Variants in COLGALT2 observed in about 807,000 individuals in gnomAD.
COLGALT2 encodes collagen beta(1-O)galactosyltransferase 2.
Under a neutral mutation model 73.4 loss-of-function variants are expected in COLGALT2, and 49 were observed. The ratio of observed to expected loss-of-function variants is 0.67; its 90% CI spans 0.53 to 0.85. The LOEUF is 0.85. COLGALT2 is among the 40% of genes least tolerant of loss of function. The pLI is 0.00. For synonymous variants in COLGALT2, 295 were observed against 307.6 expected (o/e 0.96, Z 0.43); for missense variants, 722 against 790.2 (o/e 0.91, Z 1.03).
chr1:184,034,278 CTTT>C (rs11347812), intron 1 of COLGALT2, among the ~76,000 whole-genome samples: 6 of 143,034 alleles, frequency 4.2e-5, no homozygotes, highest in Admixed American at 6.9e-5. Context: ...GCCCTATTAT[CTTT>C]TTTTTTTTTT....
At chr1:184,031,064 T>G (rs1252421088) in intron 1 of COLGALT2, among the ~76,000 whole-genome samples, 1 of 152,226 alleles carries the variant, frequency 6.6e-6, no homozygotes, top group Non-Finnish European at 1.5e-5. Flanking sequence ...GAGGAAATAT[T>G]CTGAGCTCCA....
intron 8 of COLGALT2, among the ~76,000 whole-genome samples, chr1:183,946,892 A>G (rs1670267340): frequency 6.6e-6 from 1 of 152,072 alleles, no homozygotes; most frequent in African/African-American, 2.4e-5. Context: ...TTAGCCGGCC[A>G]TGGTGGTGGG....
At position 183,940,681 on chromosome 1, in the gene COLGALT2, T is replaced by G. The variant is rs890869438; in HGVS notation, c.1504A>C (p.Ile502Leu). The G allele has an allele frequency of 1.2e-6, 2 of 1,614,100 alleles. No homozygotes were observed. Among genetic ancestry groups the G allele is most frequent in the African/African-American group, 2.7e-5 (2 of 74,924 alleles). The change falls in exon 11 of 12, where the codon ATC (isoleucine) becomes CTC (leucine). Residue 502 changes from isoleucine (I) to leucine (L), a missense_variant. By Grantham distance (5) the Ile-to-Leu change is conservative. Transcript: ENST00000361927. ...AGCTTCTGTGCTCCTTCCAGAGAGA[T>G]GACGTAGCCCAGGGTCCAGTAGGAA... ...DYSYWTLGYV[I>L]SLEGAQKLVG... is the part of the protein sequence containing the mutation.
rs144443934 is a variant in COLGALT2 at position 183,936,717 on chromosome 1, C to G, written c.*2044G>C. ...GAATCACCTAAGGAATTTTCACTCG[C>G]TCCCCAGATGCTCTTTCTGTTTTTC... On this transcript the variant is annotated 3_prime_UTR_variant, in exon 12 of 12. Coordinates refer to ENST00000361927, the MANE Select transcript of COLGALT2 (RefSeq NM_015101.4). 60 of 1,230,364 alleles carry G rather than the reference C, an allele frequency of 4.9e-5. No individual in the cohort carries two copies. The East Asian group carries it at 1.7e-3, about 35-fold the overall frequency. The allele number at this position is 1,230,364 out of a possible 1,614,324, so 76.2% of individuals were successfully genotyped here. A position where few individuals can be genotyped will look rare whatever the true frequency, so the allele number is the denominator to read the frequency against.
chr1:183,948,236 A>G lies in COLGALT2; in HGVS notation c.1137-2672T>C, dbSNP rs990187235. 3.3e-5 allele frequency among the ~76,000 whole-genome samples: 5 copies of G among 152,168 alleles called. No homozygotes were observed. In the South Asian group the frequency reaches 1.0e-3, roughly 32 times the overall value. ...GGAACACATCCCAGCTGATTTTATG[A>G]AGCCAATATTATTTTGATACAAAAC... On this transcript the variant is annotated intron_variant, in intron 8 of 11. Transcript: ENST00000361927.
At chr1:183,979,509 T>G (rs1368425078) in intron 1 of COLGALT2, among the ~76,000 whole-genome samples, 1 of 152,092 alleles carries the variant, frequency 6.6e-6, no homozygotes, top group Admixed American at 6.5e-5. Flanking sequence ...TTTCAAGCGA[T>G]AGATAGTAAA....
Position 183,938,911 on chromosome 1 carries a change from G to T in COLGALT2, c.1731C>A (p.Ile577=), listed in dbSNP as rs768184386. The T allele has an allele frequency of 2.5e-6, 4 of 1,614,180 alleles. No homozygotes were observed. Among genetic ancestry groups the T allele is most frequent in the Non-Finnish European group, 3.4e-6 (4 of 1,180,042 alleles). ...CGGTGGCCACTGTCTCATTGTCCCAGATGGTGGAGGTCTCCGTGTCACTCA... is the reference window on the plus strand; with the variant it reads ...CGGTGGCCACTGTCTCATTGTCCCATATGGTGGAGGTCTCCGTGTCACTCA... ...GYLSDTETST[I]WDNETVATDW... is the part of the protein sequence containing the mutation. Residue 577 remains isoleucine (I), a synonymous_variant, in exon 12 of 12, where the codon ATC becomes ATA. Coordinates refer to ENST00000361927, the MANE Select transcript of COLGALT2 (RefSeq NM_015101.4).
At chr1:183,991,493 A>G (rs960733424) in intron 1 of COLGALT2, among the ~76,000 whole-genome samples, 2 of 152,200 alleles carry the variant, frequency 1.3e-5, no homozygotes, top group Non-Finnish European at 1.5e-5. Flanking sequence ...TCCCAGAATG[A>G]CAACTTGGCC....
intron 10 of COLGALT2, among the ~76,000 whole-genome samples, chr1:183,943,150 A>G (rs987817465): frequency 1.3e-5 from 2 of 152,250 alleles, no homozygotes. Context: ...GACAGGGCAT[A>G]GGTGTCTTAT....
chr1:183,937,206 G>T lies in COLGALT2; in HGVS notation c.*1555C>A. On this transcript the variant is annotated 3_prime_UTR_variant, in exon 12 of 12. Transcript: ENST00000361927. ...TTAAGTGTGAAGCTCAGGGTTTGGGGTGTGCACGGCCCCCCATATGGCTGC... is the reference window on the plus strand; with the variant it reads ...TTAAGTGTGAAGCTCAGGGTTTGGGTTGTGCACGGCCCCCCATATGGCTGC... 1 of 1,218,470 alleles carries T rather than the reference G, an allele frequency of 8.2e-7. No homozygotes were observed. Among genetic ancestry groups the T allele is most frequent in the Admixed American group, 4.3e-5 (1 of 23,294 alleles). 75.5% of individuals were successfully genotyped at this position (1,218,470 alleles called of 1,614,324 possible). A position where few individuals can be genotyped will look rare whatever the true frequency, so the allele number is the denominator to read the frequency against.
intron 1 of COLGALT2, among the ~76,000 whole-genome samples, chr1:183,996,259 A>G (rs1249694685): frequency 6.6e-6 from 1 of 152,172 alleles, no homozygotes; most frequent in African/African-American, 2.4e-5. Context: ...TCACCCTGTG[A>G]TCCCTTCAGG....
chr1:183,945,894 G>C (rs986932131), intron 8 of COLGALT2: 2 of 252,824 alleles, frequency 7.9e-6, no homozygotes, highest in African/African-American at 4.4e-5. Context: ...GTTTGATCAA[G>C]ACCTACTGCT....
chr1:183,992,765 G>A (rs955030929), intron 1 of COLGALT2, among the ~76,000 whole-genome samples: 3 of 152,172 alleles, frequency 2.0e-5, no homozygotes, highest in African/African-American at 7.2e-5. Context: ...CACGGATACT[G>A]GGCTCTAGAC....
intron 6 of COLGALT2, among the ~76,000 whole-genome samples, chr1:183,959,686 C>G (rs1257480373): frequency 6.6e-6 from 1 of 152,038 alleles, no homozygotes; most frequent in African/African-American, 2.4e-5. Context: ...AATGATCCTT[C>G]TAAATGCACA....
At chr1:183,982,150 C>A (rs1042908897) in intron 1 of COLGALT2, among the ~76,000 whole-genome samples, 2 of 152,124 alleles carry the variant, frequency 1.3e-5, no homozygotes, top group Non-Finnish European at 2.9e-5. Context: ...CCCACAGGCC[C>A]ACCTGGACAT....
At chr1:184,011,898 AC>A (rs1234241599) in intron 1 of COLGALT2, among the ~76,000 whole-genome samples, 1 of 152,210 alleles carries the variant, frequency 6.6e-6, no homozygotes, top group Non-Finnish European at 1.5e-5. Flanking sequence ...CATTCTCTGC[AC>A]TCGCACTGGC....
At chr1:184,036,965 AG>A in intron 1 of COLGALT2, 129 bp downstream of exon 1, 1 of 797,312 alleles carries the variant, frequency 1.3e-6, no homozygotes. Context: ...TGTGTGCGCC[AG>A]ATTTTCCGCG....
chr1:183,962,222 C>T (rs12116487), intron 6 of COLGALT2, among the ~76,000 whole-genome samples: 1,554 of 136,272 alleles, frequency 0.011, 4 homozygotes, highest in East Asian at 0.026. Context: ...TGCAATGGCG[C>T]GATCTTGGCT....
intron 1 of COLGALT2, among the ~76,000 whole-genome samples, chr1:184,022,327 G>C (rs1649203717): frequency 6.6e-6 from 1 of 152,154 alleles, no homozygotes; most frequent in African/African-American, 2.4e-5. Context: ...CCTCTGGCTT[G>C]AATGTGTCCT....
Sources: gnomAD v4.1 joint callset for allele counts (sites outside exome capture counted in the v4.1 genomes callset) on GRCh38, gnomAD v4.1.1 for gene constraint, MANE v1.5 for transcripts, NCBI Gene and HGNC (gene_info 2026-07-23, HGNC 2026-07-21) for gene names.